KDM2A: variants seen among roughly 807,000 people sequenced by gnomAD.
KDM2A encodes the protein lysine demethylase 2A.
In KDM2A, 3 loss-of-function variants were observed where a neutral mutation model predicts 137.3. The ratio of observed to expected loss-of-function variants is 0.02; its 90% confidence interval spans 0.01 to 0.06. The LOEUF (loss-of-function observed/expected upper bound fraction) is 0.06, where lower values mean the gene tolerates loss of function less well. Ranked by LOEUF, KDM2A falls within the 10% of genes least tolerant of loss-of-function variation. The pLI is 1.00. For synonymous variants in KDM2A, 512 were observed against 541.5 expected, an observed-to-expected ratio of 0.95 and a Z score of 0.76; for missense variants, 738 against 1,510.6, an observed-to-expected ratio of 0.49 and a Z score of 8.48.
chr11:67,164,837 G>T (rs1036501776), intron 2 of KDM2A, among the ~76,000 whole-genome samples: 1 of 152,044 alleles, frequency 6.6e-6, no homozygotes, highest in Admixed American at 6.6e-5. Flanking sequence ...GATCTCAAGT[G>T]ATCTACCCAC....
intron 2 of KDM2A, among the ~76,000 whole-genome samples, chr11:67,137,447 C>T (rs1338154979): frequency 6.6e-6 from 1 of 152,048 alleles, no homozygotes; most frequent in Non-Finnish European, 1.5e-5. Context: ...GCTGACAGAA[C>T]TAGAGAGGAG....
rs1590810698 is a variant in KDM2A, at chr11:67,231,624, A to C, written c.1143A>C (p.Glu381Asp). Residue 381 changes from glutamate (E) to aspartate (D), a missense_variant, in exon 12 of 21, where the codon GAA becomes GAC. This residue lies in a region of KDM2A where 113 missense variants were observed against 133.5 expected (regional missense o/e 0.85). Coordinates refer to ENST00000529006, the MANE Select transcript of KDM2A (RefSeq NM_012308.3). ...GNGDEEAVDREPRRLSSRRSV... is the reference protein window; with the variant it reads ...GNGDEEAVDRDPRRLSSRRSV... ...GGGATGAGGAAGCAGTGGATCGAGA[A>C]CCCCGACGCTTGAGCAGCAGGCGTT... 6.2e-7 allele frequency: 1 copy of C among 1,612,268 alleles called. No homozygotes were observed. The highest frequency in any genetic ancestry group is 2.2e-5 in the East Asian group (1 of 44,850).
intron 6 of KDM2A, among the ~76,000 whole-genome samples, chr11:67,213,891 G>A: frequency 6.6e-6 from 1 of 152,068 alleles, no homozygotes; most frequent in East Asian, 1.9e-4. Flanking sequence ...TATTGAGACA[G>A]TCTTGCCCTG....
At position 67,141,502 on chromosome 11, in the gene KDM2A, T is replaced by TA. The variant is rs1325421578; in HGVS notation, c.42+20150dup. On this transcript the variant is annotated intron_variant, in intron 2 of 20. Transcript: ENST00000529006. ...TAACATGGTGAAACCCCGTCTCTAC[T>TA]AAAAAATACAAAAAATAAGCCAGGT... Among the ~76,000 whole-genome samples, 9 of 151,072 alleles carry TA rather than the reference T, an allele frequency of 6.0e-5. No homozygotes were observed. In the East Asian group the frequency reaches 1.6e-3, roughly 26 times the overall value.
In KDM2A at chr11:67,215,432, C is replaced by T; in HGVS notation, c.579C>T (p.Tyr193=). The T allele has an allele frequency of 6.2e-7, 1 of 1,611,590 alleles. No homozygotes were observed. The highest frequency in any genetic ancestry group is 8.5e-7 in the Non-Finnish European group (1 of 1,177,896). ...CAAATGCCATCTTGGAGATGCAGTA[C>T]CCTAAAGTGCAGAAGTAAGTGATGC... The part of the protein sequence containing the change: ...ESTNAILEMQ[Y]PKVQKYCLMS... Residue 193 remains tyrosine, a synonymous_variant, in exon 7 of 21, where the codon TAC becomes TAT. Coordinates refer to ENST00000529006, the MANE Select transcript of KDM2A (RefSeq NM_012308.3).
intron 2 of KDM2A, among the ~76,000 whole-genome samples, chr11:67,175,902 C>A (rs138735027): frequency 1.1e-3 from 163 of 152,218 alleles, no homozygotes; most frequent in Non-Finnish European, 1.9e-3. Context: ...TTTTCTAGTT[C>A]TTCAGAGACA....
intron 5 of KDM2A, among the ~76,000 whole-genome samples, chr11:67,194,406 G>A (rs772099244): frequency 1.3e-4 from 20 of 152,184 alleles, no homozygotes; most frequent in Non-Finnish European, 8.8e-5. Context: ...AGGTCCTCCT[G>A]TGTCAATGGC....
chr11:67,169,315 G>A (rs1283108577), intron 2 of KDM2A, among the ~76,000 whole-genome samples: 1 of 150,230 alleles, frequency 6.7e-6, no homozygotes, highest in Non-Finnish European at 1.5e-5. Context: ...TTTTTAAATC[G>A]TATCACAGTG....
intron 11 of KDM2A, 51 bp downstream of exon 11, chr11:67,228,214 T>C: frequency 6.3e-7 from 1 of 1,587,112 alleles, no homozygotes; most frequent in Non-Finnish European, 8.6e-7. Flanking sequence ...GGTCTGAGGG[T>C]GAGGCCCGAA....
rs1269256145 is a variant in KDM2A at position 67,245,743 on chromosome 11, C to G, written c.1834-242C>G. The G allele has an allele frequency of 3.3e-6, 2 of 598,758 alleles. No homozygotes were observed. Among genetic ancestry groups the G allele is most frequent in the African/African-American group, 3.7e-5 (2 of 53,808 alleles). The allele number at this position is 598,758 out of a possible 1,614,324, so 37.1% of individuals were successfully genotyped here. A position where few individuals can be genotyped will look rare whatever the true frequency, so the allele number is the denominator to read the frequency against. Reference sequence around the variant, plus strand: ...CCTCTTCAGGTAGATTAGAAAGGACCGGGGAGGCCAAGTATAGGCCAACTG... The same window carrying G: ...CCTCTTCAGGTAGATTAGAAAGGACGGGGGAGGCCAAGTATAGGCCAACTG... On this transcript the variant is annotated intron_variant, in intron 14 of 20. Transcript: ENST00000529006. The surrounding 1 kb of genome is among the most constrained non-coding windows in gnomAD (Gnocchi z 4.1).
chr11:67,242,478 C>T (rs1050813376), intron 12 of KDM2A, among the ~76,000 whole-genome samples: 19 of 152,108 alleles, frequency 1.2e-4, no homozygotes, highest in African/African-American at 4.6e-4. Context: ...AGGCAATTAC[C>T]TGATAATATT....
At chr11:67,162,631 C>G (rs557809574) in intron 2 of KDM2A, among the ~76,000 whole-genome samples, 1 of 152,250 alleles carries the variant, frequency 6.6e-6, no homozygotes, top group Admixed American at 6.5e-5. Flanking sequence ...GTCTCGAACT[C>G]CTGACCTCAA....
intron 17 of KDM2A, among the ~76,000 whole-genome samples, chr11:67,251,738 C>A (rs957784614): frequency 6.6e-5 from 10 of 152,240 alleles, no homozygotes; most frequent in African/African-American, 2.2e-4. Context: ...TTGTCAGCAG[C>A]TTGCTTCTGC....
In KDM2A at chr11:67,250,097, G is replaced by T. The variant is rs1040308454; in HGVS notation, c.2067G>T (p.Met689Ile). The T allele has an allele frequency of 6.3e-7, 1 of 1,584,794 alleles. No individual in the cohort carries two copies. Among genetic ancestry groups the T allele is most frequent in the Non-Finnish European group, 8.6e-7 (1 of 1,165,294 alleles). Residue 689 changes from methionine (M) to isoleucine (I), a missense_variant, in exon 17 of 21, where the codon ATG (methionine) becomes ATT (isoleucine). By Grantham distance (10) the Met-to-Ile change is conservative. This residue lies in a region of KDM2A where 244 missense variants were observed against 324.6 expected (regional missense o/e 0.75). Transcript: ENST00000529006. The surrounding 1 kb of genome is among the most constrained non-coding windows in gnomAD (Gnocchi z 7.1). ...GGCCTGTTTTGCAGAAGCGGAAAAT[G>T]GAAGAGAGTGACGAAGAAGCTGTGC... ...DSSEKAQKRK[M>I]EESDEEAVQA...
Position 67,165,124 on chromosome 11 carries a change from C to CT in KDM2A, c.43-14941dup, listed in dbSNP as rs904019221. 4.2e-3 allele frequency among the ~76,000 whole-genome samples: 601 copies of CT among 142,840 alleles called. 3 individuals carry two copies. Among genetic ancestry groups the CT allele is most frequent in the African/African-American group, 0.01 (401 of 39,194 alleles). 93.7% of individuals were successfully genotyped at this position (142,840 alleles called of 152,430 possible). A position where few individuals can be genotyped will look rare whatever the true frequency, so the allele number is the denominator to read the frequency against. ...TGAAGGGAGTAATTTAGAATACCAACTTTTTTTTTTTTTTGAGACCGACTT... is the reference window on the plus strand; with the variant it reads ...TGAAGGGAGTAATTTAGAATACCAACTTTTTTTTTTTTTTTGAGACCGACTT... On this transcript the variant is annotated intron_variant, in intron 2 of 20. Transcript: ENST00000529006.
intron 5 of KDM2A, among the ~76,000 whole-genome samples, chr11:67,197,816 G>GCAA (rs1857517068): frequency 6.6e-6 from 1 of 152,124 alleles, no homozygotes; most frequent in Admixed American, 6.6e-5. Context: ...CTTGAACAAT[G>GCAA]CAACGGCTAG....
intron 5 of KDM2A, among the ~76,000 whole-genome samples, chr11:67,203,048 AAAG>A (rs1300313504): frequency 1.3e-5 from 2 of 152,056 alleles, no homozygotes; most frequent in African/African-American, 4.8e-5. Context: ...AGCGAAAGAA[AAAG>A]AAGTTGCTAT....
intron 2 of KDM2A, 29 bp downstream of exon 2, chr11:67,121,387 T>C: frequency 6.2e-7 from 1 of 1,603,632 alleles, no homozygotes; most frequent in Non-Finnish European, 8.5e-7. Context: ...CACCACACCC[T>C]CCAGTTTTAA....
chr11:67,134,218 C>T (rs1036990689), intron 2 of KDM2A, among the ~76,000 whole-genome samples: 1 of 152,174 alleles, frequency 6.6e-6, no homozygotes, highest in African/African-American at 2.4e-5. Context: ...AAAGCAGATT[C>T]TCAACTGGGG....
Sources: gnomAD v4.1 joint callset for allele counts (sites outside exome capture counted in the v4.1 genomes callset) on GRCh38, gnomAD v4.1.1 for gene constraint, gnomAD v4.1.1 regional missense constraint, Gnocchi (gnomAD v3.1) non-coding constraint, MANE v1.5 for transcripts, NCBI Gene and HGNC (gene_info 2026-07-23, HGNC 2026-07-21) for gene names.